ZC3H12B: variants seen among roughly 807,000 people sequenced by gnomAD.
The protein encoded by ZC3H12B is probable ribonuclease ZC3H12B.
In ZC3H12B, 7 loss-of-function variants were observed where a neutral mutation model predicts 43.9. That is an observed-to-expected ratio of 0.16 (90% confidence interval 0.09 to 0.30). The LOEUF is 0.30. ZC3H12B is among the 10% of genes least tolerant of loss of function. ZC3H12B has a pLI of 1.00. For missense variants in ZC3H12B, 475 were observed against 670.2 expected, an observed-to-expected ratio of 0.71 and a Z score of 3.22; for synonymous variants, 222 against 241.7, an observed-to-expected ratio of 0.92 and a Z score of 0.76.
chrX:65,277,527 A>G, the ZC3H12B span, among the ~76,000 whole-genome samples: 5 of 111,865 alleles, frequency 4.5e-5, no homozygotes, highest in Admixed American at 4.7e-4. Context: ...ATAATCTAAT[A>G]ACAATAAAAT....
the ZC3H12B span, among the ~76,000 whole-genome samples, chrX:65,198,380 C>T: frequency 8.9e-6 from 1 of 111,910 alleles, no homozygotes; most frequent in African/African-American, 3.2e-5. Flanking sequence ...ACATCATTTT[C>T]CTTCAGATTG....
At chrX:65,257,077 A>T in the ZC3H12B span, among the ~76,000 whole-genome samples, 16 of 112,202 alleles carry the variant, frequency 1.4e-4, no homozygotes, top group African/African-American at 5.2e-4. Context: ...TAGAAATACC[A>T]TTTGATCCAG....
chrX:65,279,283 C>T, the ZC3H12B span, among the ~76,000 whole-genome samples: 1 of 105,331 alleles, frequency 9.5e-6, no homozygotes, highest in Non-Finnish European at 1.9e-5. Flanking sequence ...CCCTTCTCTC[C>T]GCAACCTTAC....
At chrX:65,036,724 A>G in the ZC3H12B span, among the ~76,000 whole-genome samples, 2 of 109,840 alleles carry the variant, frequency 1.8e-5, no homozygotes, top group Non-Finnish European at 3.8e-5. Context: ...TTTGTTTTGG[A>G]AAAGCTTTTG....
At chrX:65,264,645 C>G in the ZC3H12B span, among the ~76,000 whole-genome samples, 1 of 111,519 alleles carries the variant, frequency 9.0e-6, no homozygotes, top group African/African-American at 3.3e-5. Context: ...GTGAAGAAGA[C>G]AGAGATTATT....
chrX:65,036,026 G>A, the ZC3H12B span, among the ~76,000 whole-genome samples: 1 of 111,311 alleles, frequency 9.0e-6, no homozygotes, highest in Non-Finnish European at 1.9e-5. Context: ...AAGCGAGGAT[G>A]GGTTGTGATA....
chrX:65,505,772 T>C (rs1331734948), exon 5 of ZC3H12B: 1 of 112,675 alleles, frequency 8.9e-6, no homozygotes, highest in African/African-American at 3.2e-5. Context: ...ACAATTCGTC[T>C]TGAACATGTT....
At chrX:65,041,650 A>G in the ZC3H12B span, among the ~76,000 whole-genome samples, 1 of 112,162 alleles carries the variant, frequency 8.9e-6, no homozygotes, top group East Asian at 2.8e-4. Flanking sequence ...AACTCTTCCT[A>G]TCAATTAATC....
chrX:65,303,840 G>A, the ZC3H12B span, among the ~76,000 whole-genome samples: 1 of 112,295 alleles, frequency 8.9e-6, no homozygotes, highest in Non-Finnish European at 1.9e-5. Flanking sequence ...TAAAAAATGT[G>A]CAAGACCTGT....
intron 3 of ZC3H12B, among the ~76,000 whole-genome samples, chrX:65,458,465 C>T (rs2067670783): frequency 9.0e-6 from 1 of 111,625 alleles, no homozygotes; most frequent in South Asian, 3.7e-4. Flanking sequence ...GGAAGTAAAG[C>T]ACTCCTCAGC....
chrX:65,206,244 A>G, the ZC3H12B span, among the ~76,000 whole-genome samples: 1 of 112,259 alleles, frequency 8.9e-6, no homozygotes, highest in East Asian at 2.8e-4. Flanking sequence ...GAGGTATCAC[A>G]GTACCTGACT....
chrX:65,384,457 A>G lies in ZC3H12B; in HGVS notation n.296-14136A>G, dbSNP rs2066492813. Among the ~76,000 whole-genome samples, 4 of 111,354 alleles carry G rather than the reference A, an allele frequency of 3.6e-5. No individual in the cohort carries two copies. The South Asian group carries it at 1.5e-3, about 42-fold the overall frequency. On this transcript the variant is annotated intron_variant and non_coding_transcript_variant, in intron 2 of 5. Coordinates refer to the ZC3H12B transcript ENST00000617377. ...CAGTGCACCAGCATGGCACATGTAT[A>G]CATATGTAACTAATCTGCATATTGT...
chrX:65,270,590 AAG>A, the ZC3H12B span, among the ~76,000 whole-genome samples: 1 of 111,610 alleles, frequency 9.0e-6, no homozygotes, highest in Non-Finnish European at 1.9e-5. Flanking sequence ...ACACAATAAA[AAG>A]CTAACCTACA....
the ZC3H12B span, among the ~76,000 whole-genome samples, chrX:65,102,355 A>G: frequency 4.5e-5 from 5 of 112,002 alleles, no homozygotes; most frequent in Non-Finnish European, 9.4e-5. Context: ...CCCCACTCCT[A>G]TTCATCACAG....
chrX:65,068,493 A>T, the ZC3H12B span, among the ~76,000 whole-genome samples: 2 of 111,821 alleles, frequency 1.8e-5, no homozygotes, highest in Non-Finnish European at 3.8e-5. Flanking sequence ...CAAAAAGGAA[A>T]CTAACAAAAA....
chrX:65,291,435 A>G, the ZC3H12B span, among the ~76,000 whole-genome samples: 285 of 112,306 alleles, frequency 2.5e-3, 1 homozygote, highest in South Asian at 0.015. Flanking sequence ...AAAATGTAGT[A>G]TGTACACACA....
chrX:65,448,895 AAGAG>A (rs201462714), intron 3 of ZC3H12B, among the ~76,000 whole-genome samples: 6,362 of 99,782 alleles, frequency 0.064, 830 homozygotes, highest in African/African-American at 0.24. Flanking sequence ...TAAAGAAAGA[AAGAG>A]AGAGAGAAAG....
chrX:65,077,641 G>A, the ZC3H12B span, among the ~76,000 whole-genome samples: 1 of 112,395 alleles, frequency 8.9e-6, no homozygotes, highest in Non-Finnish European at 1.9e-5. Context: ...TACCTTGGCT[G>A]TAGAACAGGA....
chrX:65,244,345 G>A, the ZC3H12B span, among the ~76,000 whole-genome samples: 6 of 110,638 alleles, frequency 5.4e-5, no homozygotes, highest in East Asian at 8.5e-4. Context: ...AAAAAATATC[G>A]TGAGAATTAC....
Sources: gnomAD v4.1 joint callset for allele counts (sites outside exome capture counted in the v4.1 genomes callset) on GRCh38, gnomAD v4.1.1 for gene constraint, MANE v1.5 for transcripts, NCBI Gene and HGNC (gene_info 2026-07-23, HGNC 2026-07-21) for gene names.